IGLL1: variants seen among roughly 807,000 people sequenced by gnomAD.
The protein encoded by IGLL1 is immunoglobulin lambda-like polypeptide 1.
Under a neutral mutation model 10.5 loss-of-function variants are expected in IGLL1, and 10 were observed. That is an observed-to-expected ratio of 0.95 (90% CI 0.59 to 1.62). The LOEUF (loss-of-function observed/expected upper bound fraction) is 1.62, where lower values mean the gene tolerates loss of function less well. IGLL1 is among the 40% of genes most tolerant of loss of function. The pLI is 0.00. For missense variants in IGLL1, 284 were observed against 278.7 expected, an observed-to-expected ratio of 1.02 and a Z score of -0.14; for synonymous variants, 141 against 122.7, an observed-to-expected ratio of 1.15 and a Z score of -0.99.
At chr22:23,574,560 C>T (rs766778946) in intron 2 of IGLL1, among the ~76,000 whole-genome samples, 117 of 152,296 alleles carry the variant, frequency 7.7e-4, no homozygotes, top group Non-Finnish European at 1.5e-3. Flanking sequence ...CCCAGGCCCC[C>T]GTGTGGCCCT....
rs780258006 is a variant in IGLL1, at chr22:23,573,245, G to T, written c.*21C>A. ...GATCCTGCAGCTCCAGGCCCCTTTG[G>T]GTGGGGTCGGGGCTGGGAACCTATG... On this transcript the variant is annotated 3_prime_UTR_variant, in exon 3 of 3. Transcript: ENST00000330377. The T allele has an allele frequency of 1.2e-6, 2 of 1,611,120 alleles. No homozygotes were observed. Among genetic ancestry groups the T allele is most frequent in the Middle Eastern group, 1.7e-4 (1 of 5,932 alleles).
intron 1 of IGLL1, 24 bp downstream of exon 1, chr22:23,579,961 C>A (rs1228413310): frequency 1.3e-6 from 2 of 1,552,930 alleles, no homozygotes; most frequent in Admixed American, 3.7e-5. Flanking sequence ...ACCCCCACAT[C>A]CCCTGGAATC....
intron 1 of IGLL1, among the ~76,000 whole-genome samples, chr22:23,575,834 A>G (rs1488215130): frequency 6.6e-6 from 1 of 152,170 alleles, no homozygotes; most frequent in Non-Finnish European, 1.5e-5. Context: ...GATGCGACAC[A>G]GGGCTGGCCC....
chr22:23,577,889 C>CTT (rs131420), intron 1 of IGLL1, among the ~76,000 whole-genome samples: 13,541 of 138,294 alleles, frequency 0.098, 1,487 homozygotes, highest in African/African-American at 0.27. Context: ...AGCATAATAC[C>CTT]TTTTTTTTTT....
At chr22:23,576,957 C>G (rs891525002) in intron 1 of IGLL1, among the ~76,000 whole-genome samples, 2 of 152,102 alleles carry the variant, frequency 1.3e-5, no homozygotes, top group African/African-American at 4.8e-5. Flanking sequence ...AGTGAATTTG[C>G]CTATTCTAGG....
At position 23,573,302 on chromosome 22, in the gene IGLL1, G is replaced by A. The variant is rs776330273; in HGVS notation, c.606C>T (p.Thr202=). The A allele has an allele frequency of 2.1e-5, 34 of 1,613,850 alleles. No homozygotes were observed. Among genetic ancestry groups the A allele is most frequent in the South Asian group, 1.6e-4 (15 of 91,068 alleles). ...CTGCAGGGGCCACCGTCTTCTCCAC[G>A]GTGCTCCCTTCGTGCATGACCTGGC... The part of the protein sequence containing the change: ...YSCQVMHEGS[T]VEKTVAPAEC... The change falls in exon 3 of 3, where the codon ACC becomes ACT. Residue 202 remains threonine, a synonymous_variant. Coordinates refer to ENST00000330377, the MANE Select transcript of IGLL1 (RefSeq NM_020070.4).
intron 1 of IGLL1, among the ~76,000 whole-genome samples, chr22:23,579,555 G>A (rs1569072230): frequency 1.3e-5 from 2 of 151,190 alleles, no homozygotes; most frequent in Non-Finnish European, 2.9e-5. Flanking sequence ...GAGGGTGGGA[G>A]TGGACAGGTG....
Position 23,579,123 on chromosome 22 carries a change from C to T in IGLL1, c.206+862G>A, listed in dbSNP as rs1179308822. ...TGAGCTGAGTGACTCGGACGGGTCA[C>T]CTCACCTCTCCGGGCTCTATCCCCG... On this transcript the variant is annotated intron_variant, in intron 1 of 2. Coordinates refer to ENST00000330377, the MANE Select transcript of IGLL1 (RefSeq NM_020070.4). Among the ~76,000 whole-genome samples the T allele has an allele frequency of 3.3e-5, 5 of 152,100 alleles. No homozygotes were observed. In the South Asian group the frequency reaches 1.0e-3, roughly 32 times the overall value.
intron 2 of IGLL1, among the ~76,000 whole-genome samples, chr22:23,574,156 T>C (rs546161776): frequency 7.5e-6 from 1 of 133,286 alleles, no homozygotes; most frequent in African/African-American, 3.7e-5. Context: ...TCCCCCAGAC[T>C]TTGGGGCACC....
At chr22:23,575,145 G>A in intron 1 of IGLL1, 63 bp from the exon 2 acceptor site, 1 of 1,190,174 alleles carries the variant, frequency 8.4e-7, no homozygotes. Flanking sequence ...CAGGGTAGGG[G>A]GGTGGCCAGT....
At chr22:23,578,238 C>A (rs1476493017) in intron 1 of IGLL1, among the ~76,000 whole-genome samples, 3 of 152,112 alleles carry the variant, frequency 2.0e-5, no homozygotes, top group Admixed American at 2.0e-4. Flanking sequence ...CATTAATAGC[C>A]CCCCAACATA....
At chr22:23,579,881 G>A in intron 1 of IGLL1, 104 bp downstream of exon 1, 2 of 896,708 alleles carry the variant, frequency 2.2e-6, no homozygotes, top group South Asian at 3.4e-5. Flanking sequence ...TCCCCTCCAG[G>A]GATTAACCTT....
chr22:23,577,351 C>G (rs1488681119), intron 1 of IGLL1, among the ~76,000 whole-genome samples: 1 of 151,918 alleles, frequency 6.6e-6, no homozygotes, highest in Non-Finnish European at 1.5e-5. Context: ...CCAGCCCAGG[C>G]AACATAGTGA....
intron 1 of IGLL1, among the ~76,000 whole-genome samples, chr22:23,579,611 G>A (rs577636899): frequency 7.2e-5 from 11 of 151,856 alleles, no homozygotes; most frequent in South Asian, 2.1e-4. Flanking sequence ...AGGAGTGGGA[G>A]GAGGAGGAGG....
Position 23,573,270 on chromosome 22 carries a change from G to A in IGLL1, c.638C>T (p.Ser213Leu), listed in dbSNP as rs764921464. The A allele has an allele frequency of 1.9e-6, 3 of 1,614,038 alleles. No homozygotes were observed. The highest frequency in any genetic ancestry group is 2.5e-6 in the Non-Finnish European group (3 of 1,179,984). The change falls in exon 3 of 3, where the codon TCA (serine) becomes TTA (leucine). Residue 213 changes from serine (S) to leucine (L), a missense_variant. Physicochemically the swap from Ser to Leu is moderately radical, Grantham distance 145 (BLOSUM62 -2). Coordinates refer to ENST00000330377, the MANE Select transcript of IGLL1 (RefSeq NM_020070.4). The part of the protein sequence containing the change: ...VEKTVAPAEC[S>L] ...GGTGGGGTCGGGGCTGGGAACCTAT[G>A]AACATTCTGCAGGGGCCACCGTCTT...
intron 1 of IGLL1, among the ~76,000 whole-genome samples, chr22:23,576,962 T>C (rs1367228816): frequency 2.6e-5 from 4 of 152,182 alleles, no homozygotes; most frequent in Admixed American, 1.3e-4. Flanking sequence ...ATTTGCCTAT[T>C]CTAGGTACCT....
Position 23,573,358 on chromosome 22 carries a change from C to A in IGLL1, c.550G>T (p.Glu184Ter), listed in dbSNP as rs199906829. Residue 184 changes from glutamate to a stop codon, truncating the protein, a stop_gained, in exon 3 of 3, where the codon GAG becomes TAG. Coordinates refer to ENST00000330377, the MANE Select transcript of IGLL1 (RefSeq NM_020070.4). LOFTEE classifies it low-confidence loss of function (END_TRUNC). Reference protein sequence around the residue: ...AASSYLSLTPEQWRSRRSYSC... With the variant: ...AASSYLSLTP The stretch of plus-strand genomic sequence containing the variant: ...TAGCTTCTGCGGGACCTCCACTGCT[C>A]GGGCGTCAGGCTCAGGTAGCTGCTG... The A allele has an allele frequency of 6.2e-7, 1 of 1,614,106 alleles. No individual in the cohort carries two copies. The highest frequency in any genetic ancestry group is 1.1e-5 in the South Asian group (1 of 91,078).
chr22:23,580,139 G>A lies in IGLL1; in HGVS notation c.52C>T (p.Pro18Ser), dbSNP rs1369428088. Residue 18 changes from proline to serine, a missense_variant, in exon 1 of 3, where the codon CCC becomes TCC. Coordinates refer to ENST00000330377, the MANE Select transcript of IGLL1 (RefSeq NM_020070.4). ...AGGGGCCAGCGCTGCCTGAGGTTGG[G>A]GCCTGGCTCACCAGGGGCCTCAAGG... is the stretch of plus-strand genomic sequence containing the variant. ...GGLEAPGEPG[P>S]NLRQRWPLLL... The A allele has an allele frequency of 5.1e-6, 8 of 1,558,044 alleles. No individual in the cohort carries two copies. Among genetic ancestry groups the A allele is most frequent in the Non-Finnish European group, 6.1e-6 (7 of 1,154,438 alleles).
chr22:23,578,383 C>T (rs1015986475), intron 1 of IGLL1, among the ~76,000 whole-genome samples: 1 of 152,196 alleles, frequency 6.6e-6, no homozygotes, highest in Non-Finnish European at 1.5e-5. Flanking sequence ...CCGGCCCCCG[C>T]TCCTTGTGGA....
Sources: gnomAD v4.1 joint callset for allele counts (sites outside exome capture counted in the v4.1 genomes callset) on GRCh38, gnomAD v4.1.1 for gene constraint, MANE v1.5 for transcripts, NCBI Gene and HGNC (gene_info 2026-07-23, HGNC 2026-07-21) for gene names.